SLC25A33: variants seen among roughly 807,000 people sequenced by gnomAD.
The protein encoded by SLC25A33 is bone marrow stromal cell mitochondrial carrier protein.
Under a neutral mutation model 35.5 loss-of-function variants are expected in SLC25A33, and 15 were observed. The ratio of observed to expected loss-of-function variants is 0.42; its 90% CI spans 0.28 to 0.65. SLC25A33 has a LOEUF of 0.65. Ranked by LOEUF, SLC25A33 falls within the 30% of genes least tolerant of loss-of-function variation. SLC25A33 has a pLI of 0.20. For synonymous variants in SLC25A33, 136 were observed against 148.7 expected (o/e 0.91, Z 0.62); for missense variants, 257 against 398.5 (o/e 0.64, Z 3.02).
At chr1:9,562,919 CTTTT>C (rs370570053) in intron 2 of SLC25A33, among the ~76,000 whole-genome samples, 2 of 126,730 alleles carry the variant, frequency 1.6e-5, no homozygotes, top group Non-Finnish European at 1.7e-5. Context: ...AAAATAATAG[CTTTT>C]TTTTTTTTTT....
intron 2 of SLC25A33, among the ~76,000 whole-genome samples, chr1:9,555,354 G>A (rs1643327187): frequency 1.3e-5 from 2 of 151,958 alleles, no homozygotes; most frequent in South Asian, 2.1e-4. Context: ...TCCTGACCTC[G>A]TGATCCGCCC....
At chr1:9,557,177 C>A (rs1306321307) in intron 2 of SLC25A33, among the ~76,000 whole-genome samples, 1 of 152,224 alleles carries the variant, frequency 6.6e-6, no homozygotes, top group Non-Finnish European at 1.5e-5. Flanking sequence ...AGGTGATCTG[C>A]CCGCCTTGGC....
chr1:9,553,528 C>T lies in SLC25A33; in HGVS notation c.57-98C>T, dbSNP rs557389380. 1,697 of 1,423,210 alleles carry T rather than the reference C, an allele frequency of 1.2e-3. 2 individuals carry two copies. The highest frequency in any genetic ancestry group is 1.5e-3 in the Non-Finnish European group (1,599 of 1,037,654). The allele number at this position is 1,423,210 out of a possible 1,614,324, so 88.2% of individuals were successfully genotyped here. A position where few individuals can be genotyped will look rare whatever the true frequency, so the allele number is the denominator to read the frequency against. The stretch of plus-strand genomic sequence containing the variant: ...GATTACAGGCGTGAGCCACCGCGCC[C>T]GGCACGTTCTAGTTTTAAAGAGAGA... On this transcript the variant is annotated intron_variant, in intron 1 of 6. Coordinates refer to ENST00000302692, the MANE Select transcript of SLC25A33 (RefSeq NM_032315.3).
chr1:9,544,187 C>T (rs1157799452), intron 1 of SLC25A33, among the ~76,000 whole-genome samples: 2 of 151,928 alleles, frequency 1.3e-5, no homozygotes, highest in South Asian at 4.1e-4. Context: ...AATGTTTTCC[C>T]ACCTAGTATG....
chr1:9,561,892 T>C (rs1643427864), intron 2 of SLC25A33, among the ~76,000 whole-genome samples: 1 of 152,096 alleles, frequency 6.6e-6, no homozygotes, highest in Non-Finnish European at 1.5e-5. Context: ...AGGGTGTTAC[T>C]TGAGAGAGGT....
chr1:9,574,928 T>C (rs1643639340), intron 5 of SLC25A33, among the ~76,000 whole-genome samples: 1 of 152,160 alleles, frequency 6.6e-6, no homozygotes, highest in Admixed American at 6.6e-5. Context: ...TAAGAACCCC[T>C]GTAGGCCGGG....
intron 2 of SLC25A33, among the ~76,000 whole-genome samples, chr1:9,561,197 C>A (rs1230843146): frequency 6.6e-6 from 1 of 152,162 alleles, no homozygotes; most frequent in Non-Finnish European, 1.5e-5. Flanking sequence ...CCCGCTTCGG[C>A]CTCCCAAAGT....
chr1:9,544,313 G>C (rs1203396591), intron 1 of SLC25A33, among the ~76,000 whole-genome samples: 3 of 149,954 alleles, frequency 2.0e-5, no homozygotes, highest in African/African-American at 4.9e-5. Context: ...GTGTAGCCCA[G>C]GCTGGAGTGC....
At chr1:9,555,331 G>A (rs537214817) in intron 2 of SLC25A33, among the ~76,000 whole-genome samples, 1 of 151,928 alleles carries the variant, frequency 6.6e-6, no homozygotes, top group South Asian at 2.1e-4. Flanking sequence ...TGTTAGCCAG[G>A]ATGGTCTCGA....
chr1:9,576,673 T>A (rs1363759696), intron 5 of SLC25A33: 1 of 638,852 alleles, frequency 1.6e-6, no homozygotes, highest in East Asian at 3.9e-5. Flanking sequence ...TACACTGGGC[T>A]TCTGTTACAA....
intron 2 of SLC25A33, among the ~76,000 whole-genome samples, chr1:9,555,340 G>C (rs780208282): frequency 6.6e-6 from 1 of 151,886 alleles, no homozygotes; most frequent in Non-Finnish European, 1.5e-5. Context: ...GGATGGTCTC[G>C]ATTTCCTGAC....
At chr1:9,581,518 T>C (rs1338547547) in intron 6 of SLC25A33, among the ~76,000 whole-genome samples, 1 of 152,022 alleles carries the variant, frequency 6.6e-6, no homozygotes, top group Non-Finnish European at 1.5e-5. Context: ...CACCTGAGAT[T>C]AGGAGTTCGA....
intron 2 of SLC25A33, among the ~76,000 whole-genome samples, chr1:9,554,677 G>A (rs1643316218): frequency 6.6e-6 from 1 of 151,838 alleles, no homozygotes; most frequent in Non-Finnish European, 1.5e-5. Flanking sequence ...CTTTTTATTG[G>A]GAAATATTTT....
At position 9,540,406 on chromosome 1, in the gene SLC25A33, TG is replaced by T. The variant is rs202051479; in HGVS notation, c.56+660del. Among the ~76,000 whole-genome samples the T allele has an allele frequency of 5.2e-3, 789 of 152,212 alleles. 21 individuals carry two copies. Among genetic ancestry groups the T allele is most frequent in the Admixed American group, 0.034 (512 of 15,276 alleles). On this transcript the variant is annotated intron_variant, in intron 1 of 6. Coordinates refer to ENST00000302692, the MANE Select transcript of SLC25A33 (RefSeq NM_032315.3). Reference sequence around the variant, plus strand: ...GACCGCAGAATTGTAAGGTGTTCCTTGTTTTGAAAGCTGCATTAGGTCTATG... The same window carrying T: ...GACCGCAGAATTGTAAGGTGTTCCTTTTTTGAAAGCTGCATTAGGTCTATG...
Position 9,564,771 on chromosome 1 carries a change from A to G in SLC25A33, c.237-2513A>G, listed in dbSNP as rs547333377. Among the ~76,000 whole-genome samples, 34 of 124,974 alleles carry G rather than the reference A, an allele frequency of 2.7e-4. 1 individual carries two copies. The South Asian group carries it at 8.5e-3, about 31-fold the overall frequency. 82.0% of individuals were successfully genotyped at this position (124,974 alleles called of 152,430 possible). On this transcript the variant is annotated intron_variant, in intron 2 of 6. Coordinates refer to ENST00000302692, the MANE Select transcript of SLC25A33 (RefSeq NM_032315.3). ...ATATATATATATATATATATACACAAAAATTAGCTGAGCGTGGTGGCACTC... is the reference window on the plus strand; with the variant it reads ...ATATATATATATATATATATACACAGAAATTAGCTGAGCGTGGTGGCACTC...
At chr1:9,567,519 C>T (rs185403207) in intron 3 of SLC25A33, among the ~76,000 whole-genome samples, 158 bp downstream of exon 3, 85 of 152,254 alleles carry the variant, frequency 5.6e-4, no homozygotes, top group Non-Finnish European at 9.7e-4. Context: ...GAATGCTAGG[C>T]GTGTCTTCAG....
chr1:9,558,477 C>T (rs562262320), intron 2 of SLC25A33, among the ~76,000 whole-genome samples: 2 of 152,314 alleles, frequency 1.3e-5, no homozygotes, highest in South Asian at 2.1e-4. Context: ...GAGCCTCACA[C>T]GCTCCATCCG....
chr1:9,550,916 G>A lies in SLC25A33; in HGVS notation c.57-2710G>A, dbSNP rs1043467198. ...TGGTCTCCAACTCCTGAGCTCAAGTGGTCCACCCATCTCGGCCTCCTAAAG... is the reference window on the plus strand; with the variant it reads ...TGGTCTCCAACTCCTGAGCTCAAGTAGTCCACCCATCTCGGCCTCCTAAAG... On this transcript the variant is annotated intron_variant, in intron 1 of 6. Coordinates refer to ENST00000302692, the MANE Select transcript of SLC25A33 (RefSeq NM_032315.3). 4.6e-5 allele frequency among the ~76,000 whole-genome samples: 7 copies of A among 151,844 alleles called. No individual in the cohort carries two copies. In the South Asian group the frequency reaches 6.2e-4, roughly 14 times the overall value.
rs1335287665 is a variant in SLC25A33 at position 9,578,020 on chromosome 1, G to A, written c.483-1934G>A. Among the ~76,000 whole-genome samples, 2 of 152,096 alleles carry A rather than the reference G, an allele frequency of 1.3e-5. No homozygotes were observed. Among genetic ancestry groups the A allele is most frequent in the Non-Finnish European group, 2.9e-5 (2 of 68,008 alleles). On this transcript the variant is annotated intron_variant, in intron 5 of 6. Transcript: ENST00000302692. The surrounding 1 kb of genome is among the most constrained non-coding windows in gnomAD (Gnocchi z 4.3). ...TCACTGCGAGCTCCGCCTCCCGGGT[G>A]CACGCCATTCTCCTGCCTCAGCCTC...
Sources: allele counts gnomAD v4.1 joint callset (sites outside exome capture counted in the v4.1 genomes callset), GRCh38; gene constraint gnomAD v4.1.1; non-coding constraint Gnocchi (gnomAD v3.1); transcripts MANE v1.5; gene names NCBI Gene and HGNC (gene_info 2026-07-23, HGNC 2026-07-21).